GUCY2F: variants seen among roughly 807,000 people sequenced by gnomAD.
The protein encoded by GUCY2F is retinal guanylyl cyclase 2.
In GUCY2F, 61 loss-of-function variants were observed where a neutral mutation model predicts 73.1. The ratio of observed to expected loss-of-function variants is 0.83; its 90% confidence interval spans 0.68 to 1.03. The LOEUF (loss-of-function observed/expected upper bound fraction) is 1.03, where lower values mean the gene tolerates loss of function less well. Ranked by LOEUF, GUCY2F falls within the 50% of genes least tolerant of loss-of-function variation. The pLI is 0.00. For missense variants in GUCY2F, 912 were observed against 854.3 expected (o/e 1.07, Z -0.84); for synonymous variants, 331 against 307.8 (o/e 1.08, Z -0.79).
rs145770134 is a variant in GUCY2F at position 109,465,408 on chromosome X, C to T, written c.766G>A (p.Gly256Arg). The change falls in exon 3 of 20, where the codon GGA becomes AGA. Residue 256 changes from glycine (G) to arginine (R), a missense_variant. By Grantham distance (125) the Gly-to-Arg change is moderately radical. Transcript: ENST00000218006. The stretch of plus-strand genomic sequence containing the variant: ...TCCAAGAGATGCATCTGAGTCTCTC[C>T]CCCAATCAAAGCTGAATGCATACAC... ...IMCMHSALIGGETQMHLLECA... is the reference protein window; with the variant it reads ...IMCMHSALIGRETQMHLLECA... 8 of 1,201,675 alleles carry T rather than the reference C, an allele frequency of 6.7e-6. No individual in the cohort carries two copies. In the African/African-American group the frequency reaches 1.2e-4, roughly 18 times the overall value.
At chrX:109,389,417 G>A (rs943440598) in intron 14 of GUCY2F, among the ~76,000 whole-genome samples, 8 of 112,075 alleles carry the variant, frequency 7.1e-5, no homozygotes, top group African/African-American at 9.7e-5. Context: ...TATGAAATGC[G>A]CCAGTCAGAC....
At chrX:109,378,381 G>T (rs1349021865) in intron 17 of GUCY2F, among the ~76,000 whole-genome samples, 1 of 111,390 alleles carries the variant, frequency 9.0e-6, no homozygotes, top group African/African-American at 3.3e-5. Context: ...AGGCCAAAAA[G>T]CAACTATTGG....
At chrX:109,426,961 G>A (rs755584470) in intron 8 of GUCY2F, among the ~76,000 whole-genome samples, 4 of 112,077 alleles carry the variant, frequency 3.6e-5, no homozygotes, top group Non-Finnish European at 7.5e-5. Flanking sequence ...GTAGATGGAA[G>A]TAACAGGAGG....
chrX:109,419,687 G>A (rs972726202), intron 8 of GUCY2F, among the ~76,000 whole-genome samples: 1 of 109,727 alleles, frequency 9.1e-6, no homozygotes, highest in Non-Finnish European at 1.9e-5. Flanking sequence ...TTAAATAAAT[G>A]GTGACATATA....
chrX:109,380,401 C>T (rs1297200327), intron 17 of GUCY2F, among the ~76,000 whole-genome samples: 1 of 111,413 alleles, frequency 9.0e-6, no homozygotes, highest in Non-Finnish European at 1.9e-5. Context: ...AGTACAACAC[C>T]TGTTTCTGGT....
chrX:109,480,462 A>G (rs770320681), intron 1 of GUCY2F, among the ~76,000 whole-genome samples: 1 of 111,530 alleles, frequency 9.0e-6, no homozygotes, highest in Non-Finnish European at 1.9e-5. Flanking sequence ...TTGAGCAAAA[A>G]AATGAAGAAA....
In GUCY2F at chrX:109,465,326, G is replaced by A. The variant is rs1198693852; in HGVS notation, c.848C>T (p.Ala283Val). The change falls in exon 3 of 20, where the codon GCC becomes GTC. Residue 283 changes from alanine (A) to valine (V), a missense_variant. Transcript: ENST00000218006. ...CTTATAAGGTAAACTGTAGAGCAGG[G>A]CATCATAAGGAACAAAGACGTAGGT... is the stretch of plus-strand genomic sequence containing the variant. ...DGTYVFVPYD[A>V]LLYSLPYKHT... 2 of 1,204,356 alleles carry A rather than the reference G, an allele frequency of 1.7e-6. No homozygotes were observed. The highest frequency in any genetic ancestry group is 5.9e-5 in the East Asian group (2 of 33,812).
intron 6 of GUCY2F, among the ~76,000 whole-genome samples, chrX:109,441,790 CAAAA>C (rs988203883): frequency 9.3e-6 from 1 of 107,912 alleles, no homozygotes; most frequent in Non-Finnish European, 1.9e-5. Context: ...ACTTTATAGA[CAAAA>C]AAGTAAGACC....
chrX:109,376,161 C>A lies in GUCY2F; in HGVS notation c.3157G>T (p.Gly1053Cys). Residue 1053 changes from glycine (G) to cysteine (C), a missense_variant, in exon 18 of 20, where the codon GGC becomes TGC. Coordinates refer to ENST00000218006, the MANE Select transcript of GUCY2F (RefSeq NM_001522.3). ...ATCAGCCAGAAGGTTTCCTCTGTGC[C>A]TTTGCCCTTATTATAGAAAACATAA... ...LRGRTELKGK[G>C]TEETFWLIGK... 8.5e-7 allele frequency: 1 copy of A among 1,173,992 alleles called. No homozygotes were observed. Among genetic ancestry groups the A allele is most frequent in the African/African-American group, 1.8e-5 (1 of 56,960 alleles).
At chrX:109,386,059 C>T (rs1483829993) in intron 15 of GUCY2F, among the ~76,000 whole-genome samples, 1 of 111,312 alleles carries the variant, frequency 9.0e-6, no homozygotes, top group African/African-American at 3.3e-5. Flanking sequence ...ACCTCGGCCT[C>T]CCAAAGTACT....
At position 109,430,322 on chromosome X, in the gene GUCY2F, A is replaced by T. The variant is rs749884102; in HGVS notation, c.1776T>A (p.Ser592Arg). The change falls in exon 8 of 20, where the codon AGT (serine) becomes AGA (arginine). Residue 592 changes from serine to arginine, a missense_variant. Coordinates refer to ENST00000218006, the MANE Select transcript of GUCY2F (RefSeq NM_001522.3). ...TTTCTCATACCATTTCGAACACATC[A>T]CTTGCTCTTGATTTGATGGACTTAA... ...GDLKSIKSRASDVFEMMKDLR... is the reference protein window; with the variant it reads ...GDLKSIKSRARDVFEMMKDLR... The T allele has an allele frequency of 9.3e-7, 1 of 1,076,144 alleles. No individual in the cohort carries two copies. The allele number at this position is 1,076,144 out of a possible 1,213,427, so 88.7% of individuals were successfully genotyped here.
chrX:109,447,044 A>G (rs1932028518), intron 6 of GUCY2F, among the ~76,000 whole-genome samples: 1 of 112,545 alleles, frequency 8.9e-6, no homozygotes, highest in African/African-American at 3.2e-5. Context: ...ATCACTAGCC[A>G]TCAAAGAAAT....
intron 7 of GUCY2F, among the ~76,000 whole-genome samples, chrX:109,439,408 T>C (rs774304855): frequency 5.1e-4 from 57 of 111,898 alleles, no homozygotes; most frequent in Admixed American, 1.3e-3. Flanking sequence ...CTGGCTTCCT[T>C]CTATCCATAC....
chrX:109,457,866 G>A (rs534319138), intron 3 of GUCY2F, among the ~76,000 whole-genome samples: 47 of 112,154 alleles, frequency 4.2e-4, no homozygotes, highest in African/African-American at 1.5e-3. Context: ...CAAAATATGT[G>A]TTCCAGCCAT....
At chrX:109,455,766 C>A (rs2147278458) in intron 3 of GUCY2F, among the ~76,000 whole-genome samples, 1 of 111,363 alleles carries the variant, frequency 9.0e-6, no homozygotes, top group South Asian at 3.8e-4. Flanking sequence ...AGATCTATGC[C>A]ATAACTCTCA....
intron 3 of GUCY2F, among the ~76,000 whole-genome samples, chrX:109,464,462 A>G (rs1034313451): frequency 8.9e-6 from 1 of 112,745 alleles, no homozygotes; most frequent in Non-Finnish European, 1.9e-5. Context: ...CCCACAAAGG[A>G]AAAATGAATT....
chrX:109,378,521 T>C (rs1930229791), intron 17 of GUCY2F, among the ~76,000 whole-genome samples: 1 of 111,578 alleles, frequency 9.0e-6, no homozygotes, highest in Non-Finnish European at 1.9e-5. Flanking sequence ...AAGTCAGTGA[T>C]GGGGCAAGAA....
At chrX:109,378,416 T>C (rs1019319976) in intron 17 of GUCY2F, among the ~76,000 whole-genome samples, 1 of 111,789 alleles carries the variant, frequency 8.9e-6, no homozygotes, top group Non-Finnish European at 1.9e-5. Flanking sequence ...GTGAGATTAA[T>C]GAGCTTCCTG....
chrX:109,418,732 A>G (rs766479031), intron 8 of GUCY2F, among the ~76,000 whole-genome samples: 79 of 111,519 alleles, frequency 7.1e-4, no homozygotes, highest in African/African-American at 2.2e-3. Flanking sequence ...ATAAGCAGAA[A>G]GAAGGAAATA....
Sources: gnomAD v4.1 joint callset for allele counts (sites outside exome capture counted in the v4.1 genomes callset) on GRCh38, gnomAD v4.1.1 for gene constraint, MANE v1.5 for transcripts, NCBI Gene and HGNC (gene_info 2026-07-23, HGNC 2026-07-21) for gene names.